SPIDR: variants seen among roughly 807,000 people sequenced by gnomAD.
SPIDR encodes DNA repair-scaffolding protein.
In SPIDR, 93 loss-of-function variants were observed where a neutral mutation model predicts 104.6. The ratio of observed to expected loss-of-function variants is 0.89; its 90% confidence interval spans 0.75 to 1.06. The LOEUF (loss-of-function observed/expected upper bound fraction) is 1.06, where lower values mean the gene tolerates loss of function less well. Ranked by LOEUF, SPIDR falls within the 50% of genes least tolerant of loss-of-function variation. The pLI, the probability that SPIDR is intolerant of heterozygous loss-of-function variation, is 0.00. For synonymous variants in SPIDR, 431 were observed against 416.9 expected, an observed-to-expected ratio of 1.03 and a Z score of -0.41; for missense variants, 1,154 against 1,111.2, an observed-to-expected ratio of 1.04 and a Z score of -0.55.
chr8:47,322,607 T>C (rs1439790834), intron 5 of SPIDR, among the ~76,000 whole-genome samples: 4 of 152,210 alleles, frequency 2.6e-5, no homozygotes, highest in African/African-American at 7.2e-5. Context: ...CAAAGGATTA[T>C]AAATCATGCT....
intron 6 of SPIDR, among the ~76,000 whole-genome samples, chr8:47,401,100 C>G (rs949254321): frequency 7.2e-5 from 11 of 152,246 alleles, no homozygotes; most frequent in Middle Eastern, 3.4e-3. Context: ...GGTCGGGTTA[C>G]TCACAAAGAG....
intron 8 of SPIDR, among the ~76,000 whole-genome samples, chr8:47,486,711 A>C (rs576052961): frequency 2.8e-4 from 43 of 152,324 alleles, no homozygotes; most frequent in South Asian, 1.2e-3. Flanking sequence ...TTCTTAAAGA[A>C]AAGAATTTTC....
At chr8:47,401,141 G>A (rs2061827610) in intron 6 of SPIDR, among the ~76,000 whole-genome samples, 1 of 152,180 alleles carries the variant, frequency 6.6e-6, no homozygotes, top group Non-Finnish European at 1.5e-5. Flanking sequence ...GAATCTCTCG[G>A]CAGACACTCT....
At chr8:47,734,307 C>A (rs1215349040) in intron 19 of SPIDR, among the ~76,000 whole-genome samples, 1 of 152,110 alleles carries the variant, frequency 6.6e-6, no homozygotes, top group East Asian at 1.9e-4. Flanking sequence ...CCTTCCACCG[C>A]ACTGTGTTCA....
rs1338664903 is a variant in SPIDR at position 47,279,824 on chromosome 8, T to A, written c.34-38T>A. 5.1e-6 allele frequency: 8 copies of A among 1,573,448 alleles called. No individual in the cohort carries two copies. The African/African-American group carries it at 1.1e-4, about 22-fold the overall frequency. On this transcript the variant is annotated intron_variant, in intron 1 of 19. Transcript: ENST00000297423. The stretch of plus-strand genomic sequence containing the variant: ...CTATTTAATGAAGTTGATTTTGTTT[T>A]TTTGTTTCGATTTTTCTTTTAAAAA...
intron 7 of SPIDR, among the ~76,000 whole-genome samples, chr8:47,414,228 G>A (rs191099274): frequency 4.3e-4 from 66 of 152,200 alleles, no homozygotes; most frequent in South Asian, 3.1e-3. Context: ...TTGTCATCCC[G>A]GTTACTCACT....
chr8:47,369,907 ATT>A (rs1344035328), intron 5 of SPIDR, among the ~76,000 whole-genome samples: 1 of 150,426 alleles, frequency 6.6e-6, no homozygotes, highest in African/African-American at 2.4e-5. Context: ...GTTTGTCTGG[ATT>A]TTTTTTTGTT....
chr8:47,494,850 ACTT>A (rs1241137945), intron 8 of SPIDR, among the ~76,000 whole-genome samples: 1 of 152,130 alleles, frequency 6.6e-6, no homozygotes, highest in East Asian at 1.9e-4. Context: ...GAAGTGAGAT[ACTT>A]CTTATTTTTC....
chr8:47,323,315 AGTT>A (rs782131496), intron 5 of SPIDR, among the ~76,000 whole-genome samples: 10 of 152,182 alleles, frequency 6.6e-5, no homozygotes, highest in Non-Finnish European at 1.3e-4. Context: ...TTATGTAAGT[AGTT>A]GTCATATAAT....
chr8:47,576,439 C>CCACACCTGGCCATAAATA (rs1347405501), intron 8 of SPIDR, among the ~76,000 whole-genome samples: 3 of 152,082 alleles, frequency 2.0e-5, no homozygotes, highest in Admixed American at 6.5e-5. Flanking sequence ...GCATGAGCCA[C>CCACACCTGGCCATAAATA]TGGACCCAGC....
At chr8:47,692,935 G>A (rs2078874862) in intron 11 of SPIDR, among the ~76,000 whole-genome samples, 1 of 152,232 alleles carries the variant, frequency 6.6e-6, no homozygotes, top group African/African-American at 2.4e-5. Flanking sequence ...TGGATAGACA[G>A]CAAGGAGATG....
At chr8:47,588,033 ATATATATATATATATATATATATAT>A (rs2060474488) in intron 8 of SPIDR, among the ~76,000 whole-genome samples, 388 of 23,298 alleles carry the variant, frequency 0.017, 41 homozygotes, top group South Asian at 0.08. Context: ...TAGCATATAT[ATATATATATATATATATATATATAT>A]ATATATATAT....
chr8:47,726,766 C>T (rs534532969), intron 16 of SPIDR, among the ~76,000 whole-genome samples: 2 of 152,188 alleles, frequency 1.3e-5, no homozygotes, highest in South Asian at 4.1e-4. Flanking sequence ...CAGGGTCTTG[C>T]CCTGTCACCC....
At chr8:47,561,847 A>G (rs1434904187) in intron 8 of SPIDR, among the ~76,000 whole-genome samples, 1 of 152,226 alleles carries the variant, frequency 6.6e-6, no homozygotes, top group African/African-American at 2.4e-5. Context: ...TCGTACACTG[A>G]TACAAAGAAG....
chr8:47,396,101 T>G (rs2061217548), intron 5 of SPIDR, among the ~76,000 whole-genome samples: 1 of 152,234 alleles, frequency 6.6e-6, no homozygotes, highest in East Asian at 1.9e-4. Flanking sequence ...TACTGTCTTG[T>G]AGTTTCCTGA....
chr8:47,309,901 T>C (rs1441030737), intron 5 of SPIDR, among the ~76,000 whole-genome samples: 1 of 151,122 alleles, frequency 6.6e-6, no homozygotes, highest in African/African-American at 2.4e-5. Context: ...TAGCCGGACA[T>C]GGTGGCGGGC....
intron 5 of SPIDR, among the ~76,000 whole-genome samples, chr8:47,360,588 G>C (rs564504583): frequency 6.6e-6 from 1 of 152,148 alleles, no homozygotes; most frequent in Non-Finnish European, 1.5e-5. Context: ...GCTGAGCACC[G>C]GGGCTGTTGG....
chr8:47,646,969 T>C (rs1465183614), intron 10 of SPIDR, among the ~76,000 whole-genome samples: 3 of 152,202 alleles, frequency 2.0e-5, no homozygotes, highest in Non-Finnish European at 4.4e-5. Context: ...ATTTAATTCA[T>C]GAAAACTAAA....
At chr8:47,552,489 CTCT>C (rs1226036999) in intron 8 of SPIDR, among the ~76,000 whole-genome samples, 1 of 152,166 alleles carries the variant, frequency 6.6e-6, no homozygotes, top group African/African-American at 2.4e-5. Context: ...AGATAGTTAG[CTCT>C]TCTTGTTGAA....
Sources: gnomAD v4.1 joint callset for allele counts (sites outside exome capture counted in the v4.1 genomes callset) on GRCh38, gnomAD v4.1.1 for gene constraint, MANE v1.5 for transcripts, NCBI Gene and HGNC (gene_info 2026-07-23, HGNC 2026-07-21) for gene names.